Variants in ADAM32 observed in about 807,000 individuals in gnomAD.
The protein encoded by ADAM32 is disintegrin and metalloproteinase domain-containing protein 32.
ADAM32 carries 89 observed loss-of-function variants against 114.9 expected under a neutral mutation model. The ratio of observed to expected loss-of-function variants is 0.77; its 90% confidence interval spans 0.65 to 0.92. The LOEUF (loss-of-function observed/expected upper bound fraction) is 0.92. Among genes scored for constraint, ADAM32 ranks in the 40% least tolerant of loss-of-function variants. ADAM32 has a pLI of 0.00. For missense variants in ADAM32, 870 were observed against 932.8 expected (o/e 0.93, Z 0.88); for synonymous variants, 285 against 307.5 (o/e 0.93, Z 0.77).
chr8:39,135,169 A>G (rs1443733332), intron 2 of ADAM32, among the ~76,000 whole-genome samples: 1 of 152,182 alleles, frequency 6.6e-6, no homozygotes, highest in Non-Finnish European at 1.5e-5. Context: ...AAAAAAACAA[A>G]AACAAAAAAC....
chr8:39,191,156 A>C (rs1270872510), intron 11 of ADAM32, among the ~76,000 whole-genome samples: 1 of 152,204 alleles, frequency 6.6e-6, no homozygotes, highest in Non-Finnish European at 1.5e-5. Flanking sequence ...TCTACCACTG[A>C]TGAGCATTTA....
intron 11 of ADAM32, among the ~76,000 whole-genome samples, chr8:39,204,556 C>A (rs1807683298): frequency 6.6e-6 from 1 of 152,176 alleles, no homozygotes. Context: ...AGCTTTTTAG[C>A]TTCTTTGTGA....
At chr8:39,151,651 A>C in intron 6 of ADAM32, 103 bp downstream of exon 6, 3 of 797,632 alleles carry the variant, frequency 3.8e-6, no homozygotes, top group Non-Finnish European at 5.4e-6. Flanking sequence ...TGTAGCAAAT[A>C]TCCTTTCCTT....
intron 20 of ADAM32, among the ~76,000 whole-genome samples, chr8:39,272,863 T>C (rs1812818381): frequency 6.6e-6 from 1 of 152,228 alleles, no homozygotes; most frequent in South Asian, 2.1e-4. Context: ...TTTTGACTCT[T>C]GTAATAACAT....
intron 17 of ADAM32, among the ~76,000 whole-genome samples, chr8:39,253,524 C>A (rs1175715665): frequency 2.0e-5 from 3 of 151,596 alleles, no homozygotes; most frequent in African/African-American, 7.2e-5. Context: ...CACAGGAAAC[C>A]ATAAAGGTTC....
intron 2 of ADAM32, among the ~76,000 whole-genome samples, chr8:39,131,047 C>T (rs1184077517): frequency 1.3e-5 from 2 of 151,074 alleles, no homozygotes; most frequent in East Asian, 3.9e-4. Flanking sequence ...AGCTCCACCT[C>T]CCGGGTTCAC....
intron 2 of ADAM32, chr8:39,130,956 C>CTTTTTTTTTTT (rs71218310): frequency 9.1e-6 from 3 of 330,012 alleles, no homozygotes; most frequent in Admixed American, 4.3e-5. Context: ...AGGAGGATGT[C>CTTTTTTTTTTT]TTTTTTTTTT....
intron 6 of ADAM32, among the ~76,000 whole-genome samples, chr8:39,159,225 A>G (rs1804337875): frequency 6.6e-6 from 1 of 152,242 alleles, no homozygotes; most frequent in Admixed American, 6.5e-5. Context: ...TCTAAAGTAA[A>G]GAAATATTTT....
At chr8:39,136,788 G>A (rs778245684) in intron 3 of ADAM32, 70 bp downstream of exon 3, 2 of 1,029,238 alleles carry the variant, frequency 1.9e-6, no homozygotes, top group Non-Finnish European at 2.7e-6. Flanking sequence ...AATAGAAAAT[G>A]GAGTATGAGA....
intron 11 of ADAM32, among the ~76,000 whole-genome samples, chr8:39,196,368 C>T (rs749110693): frequency 2.6e-5 from 4 of 151,994 alleles, no homozygotes; most frequent in Non-Finnish European, 5.9e-5. Context: ...ATTTTCAGTA[C>T]TATGTTGGTT....
chr8:39,153,213 T>C (rs954776600), intron 6 of ADAM32, among the ~76,000 whole-genome samples: 2 of 152,250 alleles, frequency 1.3e-5, no homozygotes, highest in Non-Finnish European at 2.9e-5. Context: ...GAGTTTTCAA[T>C]GCTAGCAAAT....
At chr8:39,142,169 G>C (rs866710758) in intron 3 of ADAM32, among the ~76,000 whole-genome samples, 1 of 152,178 alleles carries the variant, frequency 6.6e-6, no homozygotes, top group Non-Finnish European at 1.5e-5. Flanking sequence ...TTGCCAGTCT[G>C]TGTCTTTTAA....
chr8:39,245,529 T>TA (rs138809069), intron 16 of ADAM32, among the ~76,000 whole-genome samples: 8,169 of 152,190 alleles, frequency 0.054, 753 homozygotes, highest in African/African-American at 0.19. Flanking sequence ...TGCATCCTTA[T>TA]AAAAAATAGA....
chr8:39,173,879 C>A (rs1805349197), intron 10 of ADAM32, among the ~76,000 whole-genome samples: 1 of 152,080 alleles, frequency 6.6e-6, no homozygotes, highest in Admixed American at 6.6e-5. Flanking sequence ...GGCTGGAGTG[C>A]AGTGGCACAA....
chr8:39,137,504 G>A (rs1052850396), intron 3 of ADAM32, among the ~76,000 whole-genome samples: 5 of 152,058 alleles, frequency 3.3e-5, no homozygotes, highest in East Asian at 1.9e-4. Context: ...GGTGGCTTTC[G>A]TCTGTAATCC....
In ADAM32 at chr8:39,223,216, T is replaced by C; in HGVS notation, c.1503T>C (p.Arg501=). The change falls in exon 14 of 25, where the codon CGT becomes CGC. Residue 501 remains arginine, a synonymous_variant. Transcript: ENST00000379907. The stretch of plus-strand genomic sequence containing the variant: ...GAGACTGCCATGATCTCGATGCACG[T>C]TGTGAGAGTGTATTTGGAAAAGGTA... The part of the protein sequence containing the change: ...YDGDCHDLDA[R]CESVFGKGSR... 1 of 1,588,318 alleles carries C rather than the reference T, an allele frequency of 6.3e-7. No homozygotes were observed. The highest frequency in any genetic ancestry group is 8.6e-7 in the Non-Finnish European group (1 of 1,169,368).
chr8:39,237,997 C>T (rs904220732), intron 16 of ADAM32, among the ~76,000 whole-genome samples: 1 of 152,204 alleles, frequency 6.6e-6, no homozygotes, highest in Non-Finnish European at 1.5e-5. Flanking sequence ...CAGTTCATAA[C>T]AGAACAACCC....
rs1339047191 is a variant in ADAM32, at chr8:39,281,187, G to C, written c.2318+13G>C. On this transcript the variant is annotated intron_variant, in intron 23 of 24. Transcript: ENST00000379907. ...CATATACTAGCAGGTAAGCAGGATA[G>C]AAAGTGTTACTTATAAATAAGTATG... 1.0e-5 allele frequency: 14 copies of C among 1,352,496 alleles called. No homozygotes were observed. The East Asian group carries it at 4.1e-4, about 40-fold the overall frequency. 83.8% of individuals were successfully genotyped at this position (1,352,496 alleles called of 1,614,324 possible).
chr8:39,283,614 C>T lies in ADAM32; in HGVS notation c.2347C>T (p.Gln783Ter). 1 of 1,601,064 alleles carries T rather than the reference C, an allele frequency of 6.2e-7. No homozygotes were observed. The stretch of plus-strand genomic sequence containing the variant: ...CAAATCACAGGACAGTACCCAAACA[C>T]AAAGCAGTAGGTAAGTATATTAGAA... Reference protein sequence around the residue: ...RSKSQDSTQTQSSSN With the variant: ...RSKSQDSTQT Residue 783 changes from glutamine (Q) to a stop codon, truncating the protein, a stop_gained, in exon 24 of 25, where the codon CAA (glutamine) becomes TAA (stop). Transcript: ENST00000379907. LOFTEE classifies it high-confidence loss of function.
Sources: allele counts gnomAD v4.1 joint callset (sites outside exome capture counted in the v4.1 genomes callset), GRCh38; gene constraint gnomAD v4.1.1; transcripts MANE v1.5; gene names NCBI Gene and HGNC (gene_info 2026-07-23, HGNC 2026-07-21).